Variants in CADM1 observed in about 807,000 individuals in gnomAD.
The protein encoded by CADM1 is TSLC-1.
A neutral mutation model predicts 53.1 loss-of-function variants in CADM1; 15 were observed. That is an observed-to-expected ratio of 0.28 (90% CI 0.19 to 0.44). The LOEUF (loss-of-function observed/expected upper bound fraction) is 0.44. Among genes scored for constraint, CADM1 ranks in the 20% least tolerant of loss-of-function variants. CADM1 has a pLI of 1.00. For synonymous variants in CADM1, 281 were observed against 243.0 expected (o/e 1.16, Z -1.45); for missense variants, 434 against 611.3 (o/e 0.71, Z 3.06).
chr11:115,293,870 T>C (rs764472940), intron 1 of CADM1, among the ~76,000 whole-genome samples: 3 of 152,224 alleles, frequency 2.0e-5, no homozygotes, highest in Non-Finnish European at 4.4e-5. Flanking sequence ...AGTTATTCTA[T>C]ATAAATGATC....
In CADM1 at chr11:115,178,576, C is replaced by T. The variant is rs541710755; in HGVS notation, c.1297+68G>A. 7 of 1,507,528 alleles carry T rather than the reference C, an allele frequency of 4.6e-6. No individual in the cohort carries two copies. The African/African-American group carries it at 9.7e-5, about 21-fold the overall frequency. The allele number at this position is 1,507,528 out of a possible 1,614,324, so 93.4% of individuals were successfully genotyped here. A position where few individuals can be genotyped will look rare whatever the true frequency, so the allele number is the denominator to read the frequency against. ...ACATCAAATTGCCTATCAAGGACAA[C>T]CTTGTAAAGTCTCCAAAGGCAGAAG... On this transcript the variant is annotated intron_variant, in intron 11 of 11. Coordinates refer to ENST00000331581, the MANE Select transcript of CADM1 (RefSeq NM_001301043.2).
intron 1 of CADM1, among the ~76,000 whole-genome samples, chr11:115,332,829 A>T (rs932181813): frequency 1.3e-5 from 2 of 152,116 alleles, no homozygotes; most frequent in Non-Finnish European, 2.9e-5. Flanking sequence ...AGGGTTAAAA[A>T]ATATATTTAA....
rs142657869 is a variant in CADM1, at chr11:115,206,439, T to C, written c.1078+3135A>G. ...TCTGGGTGGGCAAAGCAGAGTCCGA[T>C]TTGGCTTATAATTTTTCTCTCTGAA... On this transcript the variant is annotated intron_variant, in intron 8 of 11. Transcript: ENST00000331581. Among the ~76,000 whole-genome samples, 460 of 152,212 alleles carry C rather than the reference T, an allele frequency of 3.0e-3. 6 individuals carry two copies. Among genetic ancestry groups the C allele is most frequent in the African/African-American group, 0.011 (437 of 41,528 alleles).
chr11:115,195,107 G>T (rs1487554477), intron 9 of CADM1, among the ~76,000 whole-genome samples: 1 of 152,186 alleles, frequency 6.6e-6, no homozygotes, highest in Admixed American at 6.5e-5. Flanking sequence ...AAGATCCCTT[G>T]TGTCAGCCTA....
At chr11:115,177,705 G>A (rs1939101647) in intron 11 of CADM1, among the ~76,000 whole-genome samples, 1 of 151,596 alleles carries the variant, frequency 6.6e-6, no homozygotes, top group Admixed American at 6.6e-5. Context: ...GGGAGCTCTT[G>A]GCCAAACAGA....
intron 1 of CADM1, among the ~76,000 whole-genome samples, chr11:115,370,313 T>C (rs1946277698): frequency 6.6e-6 from 1 of 152,170 alleles, no homozygotes; most frequent in Non-Finnish European, 1.5e-5. Flanking sequence ...CACAGAACAC[T>C]ATAACTTGTG....
chr11:115,327,096 A>G (rs1204542235), intron 1 of CADM1, among the ~76,000 whole-genome samples: 2 of 151,546 alleles, frequency 1.3e-5, no homozygotes, highest in East Asian at 1.9e-4. Flanking sequence ...TATACATGTT[A>G]TCTTATCTAC....
At chr11:115,322,194 C>A (rs538322127) in intron 1 of CADM1, among the ~76,000 whole-genome samples, 6 of 152,294 alleles carry the variant, frequency 3.9e-5, no homozygotes, top group African/African-American at 1.4e-4. Context: ...AACAATCCTT[C>A]CACACACTGT....
intron 2 of CADM1, among the ~76,000 whole-genome samples, chr11:115,239,100 T>C (rs975322722): frequency 1.3e-5 from 2 of 152,154 alleles, no homozygotes; most frequent in South Asian, 4.1e-4. Context: ...GACTAGGGCC[T>C]ACAGCCTTTT....
At position 115,338,892 on chromosome 11, in the gene CADM1, ATTT is replaced by A. The variant is rs10577568; in HGVS notation, c.125-98475_125-98473del. Among the ~76,000 whole-genome samples, 1,010 of 132,720 alleles carry A rather than the reference ATTT, an allele frequency of 7.6e-3. 12 individuals are homozygous for A. The highest frequency in any genetic ancestry group is 0.022 in the African/African-American group (769 of 34,964). The allele number at this position is 132,720 out of a possible 152,430, so 87.1% of individuals were successfully genotyped here. The stretch of plus-strand genomic sequence containing the variant: ...TATTTTTTTTATTTTTTTTTTTTTA[ATTT>A]TTTTTTTTTTTTATTATACTCTAAG... On this transcript the variant is annotated intron_variant, in intron 1 of 11. Transcript: ENST00000331581.
intron 7 of CADM1, among the ~76,000 whole-genome samples, chr11:115,213,098 C>A (rs928473228): frequency 6.6e-6 from 1 of 152,182 alleles, no homozygotes; most frequent in Non-Finnish European, 1.5e-5. Flanking sequence ...CTTTTTATAA[C>A]CTGCAGTTTG....
At chr11:115,231,049 A>T (rs777179427) in intron 4 of CADM1, among the ~76,000 whole-genome samples, 5 of 152,178 alleles carry the variant, frequency 3.3e-5, no homozygotes, top group Non-Finnish European at 7.4e-5. Context: ...AGCTCAGGAG[A>T]CAGCCCTCAT....
chr11:115,247,078 T>G (rs1460871701), intron 1 of CADM1, among the ~76,000 whole-genome samples: 1 of 152,178 alleles, frequency 6.6e-6, no homozygotes, highest in Non-Finnish European at 1.5e-5. Flanking sequence ...CAAATTAACG[T>G]TCTCTATTTT....
intron 1 of CADM1, among the ~76,000 whole-genome samples, chr11:115,460,898 A>G (rs1392501930): frequency 1.3e-5 from 2 of 152,136 alleles, no homozygotes; most frequent in African/African-American, 2.4e-5. Context: ...TCAAGTACGG[A>G]TTAATTTATT....
chr11:115,326,158 G>A (rs1257973397), intron 1 of CADM1, among the ~76,000 whole-genome samples: 1 of 152,134 alleles, frequency 6.6e-6, no homozygotes, highest in Non-Finnish European at 1.5e-5. Flanking sequence ...AACCAACGGA[G>A]CTGTTCTGTA....
In CADM1 at chr11:115,229,199, T is replaced by G; in HGVS notation, c.635A>C (p.Glu212Ala). The G allele has an allele frequency of 6.2e-7, 1 of 1,614,160 alleles. No individual in the cohort carries two copies. The highest frequency in any genetic ancestry group is 8.5e-7 in the Non-Finnish European group (1 of 1,179,998). Reference protein sequence around the residue: ...TSQLMLKVHKEDDGVPVICQV... With the variant: ...TSQLMLKVHKADDGVPVICQV... Reference sequence around the variant, plus strand: ...GCAGATCACTGGGACCCCATCGTCCTCCTTGTGCACCTTCAGCATCAGCTG... The same window carrying G: ...GCAGATCACTGGGACCCCATCGTCCGCCTTGTGCACCTTCAGCATCAGCTG... The change falls in exon 5 of 12, where the codon GAG (glutamate) becomes GCG (alanine). Residue 212 changes from glutamate (E) to alanine (A), a missense_variant. Physicochemically the swap from Glu to Ala is moderately radical, Grantham distance 107. This residue lies in a region of CADM1 where 311 missense variants were observed against 435.1 expected (regional missense o/e 0.71). Transcript: ENST00000331581.
At chr11:115,200,296 T>TCTGTG (rs1940358178) in intron 8 of CADM1, among the ~76,000 whole-genome samples, 1 of 152,156 alleles carries the variant, frequency 6.6e-6, no homozygotes, top group Non-Finnish European at 1.5e-5. Flanking sequence ...GATGACACAT[T>TCTGTG]TCCTTAGTTG....
chr11:115,210,426 C>A (rs1940905508), intron 7 of CADM1, among the ~76,000 whole-genome samples: 1 of 152,104 alleles, frequency 6.6e-6, no homozygotes, highest in Non-Finnish European at 1.5e-5. Flanking sequence ...AAGCCAGGAA[C>A]CTGATAGGGA....
At chr11:115,340,642 ATATATATATATATATATTTT>A (rs1466476508) in intron 1 of CADM1, among the ~76,000 whole-genome samples, 1 of 31,384 alleles carries the variant, frequency 3.2e-5, no homozygotes, top group African/African-American at 1.1e-4. Context: ...ATATATATAT[ATATATATATATATATATTTT>A]TTTTTTTTTT....
Sources: allele counts gnomAD v4.1 joint callset (sites outside exome capture counted in the v4.1 genomes callset), GRCh38; gene constraint gnomAD v4.1.1; regional missense constraint gnomAD v4.1.1; transcripts MANE v1.5; gene names NCBI Gene and HGNC (gene_info 2026-07-23, HGNC 2026-07-21).